The following TEK variants were observed in gnomAD, a reference collection of about 807,000 sequenced individuals.
TEK encodes angiopoietin-1 receptor.
A neutral mutation model predicts 131.8 loss-of-function variants in TEK; 43 were observed. That is an observed-to-expected ratio of 0.33 (90% CI 0.26 to 0.42). The LOEUF (loss-of-function observed/expected upper bound fraction) is 0.42. Ranked by LOEUF, TEK falls within the 10% of genes least tolerant of loss-of-function variation. The probability of loss-of-function intolerance (pLI) is 1.00; values close to 1 mark genes in which losing one functional copy is unlikely to be tolerated. For missense variants in TEK, 1,162 were observed against 1,384.4 expected, an observed-to-expected ratio of 0.84 and a Z score of 2.55; for synonymous variants, 580 against 491.6, an observed-to-expected ratio of 1.18 and a Z score of -2.38.
At chr9:27,129,490 A>G (rs915190281) in intron 1 of TEK, among the ~76,000 whole-genome samples, 2 of 152,072 alleles carry the variant, frequency 1.3e-5, no homozygotes, top group Non-Finnish European at 2.9e-5. Flanking sequence ...TCCCCCTTGC[A>G]TATATACCAC....
At chr9:27,228,091 T>C in intron 21 of TEK, 115 bp from the exon 22 acceptor site, 2 of 782,454 alleles carry the variant, frequency 2.6e-6, no homozygotes, top group Non-Finnish European at 4.3e-6. Context: ...GGCTGTACTT[T>C]GGTTAAGCTT....
intron 1 of TEK, among the ~76,000 whole-genome samples, chr9:27,156,933 T>TGTGCTCTTTAA (rs1823351720): frequency 6.7e-6 from 1 of 149,128 alleles, no homozygotes; most frequent in African/African-American, 2.5e-5. Context: ...GAGGAGAGAA[T>TGTGCTCTTTAA]AGACACAGAC....
intron 16 of TEK, chr9:27,210,605 T>C (rs1825575168): frequency 6.5e-6 from 1 of 154,908 alleles, no homozygotes; most frequent in African/African-American, 2.4e-5. Flanking sequence ...AGAAGAGAAA[T>C]GGCCAGTTGA....
chr9:27,124,923 A>C (rs1821933375), intron 1 of TEK, among the ~76,000 whole-genome samples: 1 of 152,132 alleles, frequency 6.6e-6, no homozygotes, highest in Non-Finnish European at 1.5e-5. Context: ...AGATTGGCCT[A>C]GTGTCAGCTG....
intron 6 of TEK, among the ~76,000 whole-genome samples, chr9:27,177,268 T>A (rs1036254055): frequency 4.6e-5 from 7 of 152,232 alleles, no homozygotes; most frequent in African/African-American, 1.7e-4. Context: ...AACTTCCTTA[T>A]TGTTTTCCAT....
At chr9:27,160,105 C>T (rs1258298864) in intron 2 of TEK, among the ~76,000 whole-genome samples, 1 of 145,264 alleles carries the variant, frequency 6.9e-6, no homozygotes, top group Non-Finnish European at 1.5e-5. Context: ...TCACTGCAGC[C>T]TTGACCTCCC....
chr9:27,224,654 T>G (rs1313425699), intron 21 of TEK, among the ~76,000 whole-genome samples: 1 of 152,148 alleles, frequency 6.6e-6, no homozygotes, highest in East Asian at 1.9e-4. Flanking sequence ...AGTATCACAC[T>G]GAATGGACAA....
intron 1 of TEK, among the ~76,000 whole-genome samples, chr9:27,121,498 TTTTA>T (rs202035508): frequency 0.018 from 2,716 of 149,482 alleles, 96 homozygotes; most frequent in African/African-American, 0.063. Flanking sequence ...TATATACATA[TTTTA>T]TTTGTATACA....
Position 27,130,134 on chromosome 9 carries a change from A to G in TEK, c.52+20492A>G, listed in dbSNP as rs150874735. ...TGAAAAAGAAAAGTAATGTCTTGAGAATAGTTTTACTGGATCTTAGGTGGA... is the reference window on the plus strand; with the variant it reads ...TGAAAAAGAAAAGTAATGTCTTGAGGATAGTTTTACTGGATCTTAGGTGGA... On this transcript the variant is annotated intron_variant, in intron 1 of 22. Coordinates refer to ENST00000380036, the MANE Select transcript of TEK (RefSeq NM_000459.5). 1.9e-3 allele frequency among the ~76,000 whole-genome samples: 283 copies of G among 152,316 alleles called. 2 individuals carry two copies. Among genetic ancestry groups the G allele is most frequent in the Non-Finnish European group, 3.6e-3 (246 of 68,032 alleles).
At chr9:27,203,855 A>G (rs939097421) in intron 13 of TEK, among the ~76,000 whole-genome samples, 3 of 152,260 alleles carry the variant, frequency 2.0e-5, no homozygotes, top group Non-Finnish European at 4.4e-5. Flanking sequence ...GTTTTTAAAG[A>G]AAATACTATA....
chr9:27,111,536 A>C (rs1384610387), intron 1 of TEK, among the ~76,000 whole-genome samples: 3 of 148,778 alleles, frequency 2.0e-5, no homozygotes, highest in Non-Finnish European at 4.5e-5. Context: ...ACAGACTGAA[A>C]AAAAAAAAAA....
chr9:27,148,842 T>C (rs1342051661), intron 1 of TEK, among the ~76,000 whole-genome samples: 1 of 152,250 alleles, frequency 6.6e-6, no homozygotes, highest in East Asian at 1.9e-4. Context: ...ACATGTAACA[T>C]ACGTTTTACA....
In TEK at chr9:27,171,008, CT is replaced by C. The variant is rs1823935848; in HGVS notation, c.628+1380del. Reference sequence around the variant, plus strand: ...TGGACCTCTTGGGTTAGACTAACATCTGCTTAAACATTGCCTCCTGTAAATC... The same window carrying C: ...TGGACCTCTTGGGTTAGACTAACATCGCTTAAACATTGCCTCCTGTAAATC... On this transcript the variant is annotated intron_variant, in intron 4 of 22. Transcript: ENST00000380036. Among the ~76,000 whole-genome samples, 3 of 152,310 alleles carry C rather than the reference CT, an allele frequency of 2.0e-5. No individual in the cohort carries two copies. In the East Asian group the frequency reaches 5.8e-4, roughly 29 times the overall value.
chr9:27,212,675 T>C (rs1174139221), intron 16 of TEK, 32 bp from the exon 17 acceptor site: 9 of 1,612,602 alleles, frequency 5.6e-6, no homozygotes, highest in Non-Finnish European at 7.6e-6. Flanking sequence ...TCAGGGCCAC[T>C]GATGAGTCGA....
intron 19 of TEK, 110 bp from the exon 20 acceptor site, chr9:27,218,667 T>C (rs1825922305): frequency 8.9e-7 from 1 of 1,123,020 alleles, no homozygotes; most frequent in Non-Finnish European, 1.4e-6. Flanking sequence ...GATGTAGACA[T>C]TTAACATCTC....
intron 13 of TEK, among the ~76,000 whole-genome samples, chr9:27,203,752 G>C (rs865955667): frequency 6.6e-6 from 1 of 152,188 alleles, no homozygotes; most frequent in Non-Finnish European, 1.5e-5. Context: ...GGCACCTCCC[G>C]GCTCTCTGTG....
intron 10 of TEK, 73 bp downstream of exon 10, chr9:27,190,763 A>G (rs1441313956): frequency 5.0e-6 from 8 of 1,585,958 alleles, no homozygotes; most frequent in Non-Finnish European, 6.1e-6. Context: ...AAATCTAGAA[A>G]TTCCCTTCTC....
chr9:27,118,073 G>A (rs1280496958), intron 1 of TEK, among the ~76,000 whole-genome samples: 1 of 152,170 alleles, frequency 6.6e-6, no homozygotes, highest in Non-Finnish European at 1.5e-5. Context: ...CAGAGCCAAA[G>A]GGGACTCCAC....
chr9:27,153,161 T>C (rs1228487189), intron 1 of TEK, among the ~76,000 whole-genome samples: 1 of 152,106 alleles, frequency 6.6e-6, no homozygotes. Context: ...ATTGAAAAAG[T>C]GTTTGAGGCT....
Sources: allele counts gnomAD v4.1 joint callset (sites outside exome capture counted in the v4.1 genomes callset), GRCh38; gene constraint gnomAD v4.1.1; transcripts MANE v1.5; gene names NCBI Gene and HGNC (gene_info 2026-07-23, HGNC 2026-07-21).